Variants in TCF12 observed in about 807,000 individuals in gnomAD.
TCF12 encodes DNA-binding protein HTF4.
Under a neutral mutation model 86.0 loss-of-function variants are expected in TCF12, and 45 were observed. That is an observed-to-expected ratio of 0.52 (90% confidence interval 0.41 to 0.67). TCF12 has a LOEUF of 0.67. Ranked by LOEUF, TCF12 falls within the 30% of genes least tolerant of loss-of-function variation. TCF12 has a pLI of 0.00. For missense variants in TCF12, 881 were observed against 859.9 expected, an observed-to-expected ratio of 1.02 and a Z score of -0.31; for synonymous variants, 330 against 299.6, an observed-to-expected ratio of 1.10 and a Z score of -1.05.
chr15:57,214,691 T>A (rs2058261222), intron 8 of TCF12, among the ~76,000 whole-genome samples: 1 of 152,228 alleles, frequency 6.6e-6, no homozygotes, highest in Non-Finnish European at 1.5e-5. Flanking sequence ...TGTGTTGATA[T>A]CCAAATAAGT....
intron 3 of TCF12, among the ~76,000 whole-genome samples, chr15:57,022,574 A>G (rs1243235277): frequency 1.3e-5 from 2 of 152,186 alleles, no homozygotes; most frequent in Admixed American, 6.5e-5. Context: ...TCCTTTGGGT[A>G]TATACCCAGT....
intron 5 of TCF12, among the ~76,000 whole-genome samples, chr15:57,110,249 A>G (rs1449191373): frequency 2.6e-5 from 4 of 152,188 alleles, no homozygotes; most frequent in Non-Finnish European, 2.9e-5. Context: ...GCTAAAAATA[A>G]TATTTGTTCA....
chr15:57,021,251 G>A (rs1011986830), intron 3 of TCF12, among the ~76,000 whole-genome samples: 2 of 152,322 alleles, frequency 1.3e-5, no homozygotes, highest in South Asian at 2.1e-4. Context: ...GGGGCAGAAC[G>A]TTGATCGTGT....
chr15:57,095,360 T>G (rs983532248), intron 5 of TCF12, among the ~76,000 whole-genome samples: 2 of 152,196 alleles, frequency 1.3e-5, no homozygotes, highest in African/African-American at 2.4e-5. Flanking sequence ...TTGTTTTCCT[T>G]TACCTTTTGA....
intron 5 of TCF12, among the ~76,000 whole-genome samples, chr15:57,150,599 A>G (rs2053666225): frequency 6.6e-6 from 1 of 152,158 alleles, no homozygotes; most frequent in Admixed American, 6.5e-5. Context: ...AAGGTCTGGC[A>G]TTGACTTAAA....
intron 18 of TCF12, among the ~76,000 whole-genome samples, chr15:57,268,015 T>C (rs1036680900): frequency 2.0e-5 from 3 of 152,194 alleles, no homozygotes; most frequent in Admixed American, 6.5e-5. Flanking sequence ...GGTAGTGTTA[T>C]GGTGGTAATT....
At chr15:57,036,423 T>C (rs1308283927) in intron 3 of TCF12, among the ~76,000 whole-genome samples, 12 of 152,190 alleles carry the variant, frequency 7.9e-5, no homozygotes, top group Admixed American at 4.6e-4. Context: ...TTTGAGAAAC[T>C]GCCAGACTGT....
chr15:57,130,600 T>A (rs115025148), intron 5 of TCF12, among the ~76,000 whole-genome samples: 21 of 152,332 alleles, frequency 1.4e-4, no homozygotes, highest in African/African-American at 4.8e-4. Context: ...GCCGTCAATT[T>A]TCTTGTGAAG....
At chr15:57,185,696 A>T (rs2056627126) in intron 6 of TCF12, among the ~76,000 whole-genome samples, 1 of 152,122 alleles carries the variant, frequency 6.6e-6, no homozygotes, top group Non-Finnish European at 1.5e-5. Context: ...CAACTGGGGC[A>T]ACATAGTGAG....
chr15:57,243,391 A>G, intron 12 of TCF12, 81 bp from the exon 13 acceptor site: 1 of 1,279,464 alleles, frequency 7.8e-7, no homozygotes, highest in Non-Finnish European at 1.1e-6. Flanking sequence ...ACTAGATTAT[A>G]AAAATAACTC....
intron 4 of TCF12, among the ~76,000 whole-genome samples, chr15:57,086,790 A>C (rs1199555155): frequency 3.3e-5 from 5 of 151,894 alleles, no homozygotes; most frequent in African/African-American, 1.2e-4. Flanking sequence ...CTTTTTTTTA[A>C]ACTGATTTTC....
intron 3 of TCF12, among the ~76,000 whole-genome samples, chr15:56,961,183 G>T (rs922438753): frequency 1.3e-5 from 2 of 151,714 alleles, no homozygotes; most frequent in Admixed American, 6.6e-5. Flanking sequence ...ATGCTAGCTA[G>T]ACACTGTGCT....
intron 3 of TCF12, among the ~76,000 whole-genome samples, chr15:57,016,533 T>C (rs948957234): frequency 2.6e-5 from 4 of 152,160 alleles, no homozygotes; most frequent in African/African-American, 9.7e-5. Context: ...TAGCCTTAAT[T>C]ACATAATTCA....
intron 18 of TCF12, among the ~76,000 whole-genome samples, chr15:57,269,784 G>C (rs1381562902): frequency 6.6e-6 from 1 of 152,102 alleles, no homozygotes; most frequent in Non-Finnish European, 1.5e-5. Context: ...TTGCTTGTCT[G>C]TAAAGGATTT....
chr15:57,224,706 GA>G (rs1460708367), intron 8 of TCF12, among the ~76,000 whole-genome samples: 1 of 152,058 alleles, frequency 6.6e-6, no homozygotes, highest in African/African-American at 2.4e-5. Flanking sequence ...TTTTACTTAG[GA>G]AACTGCTGAA....
chr15:57,054,570 A>G (rs1862855050), intron 3 of TCF12, among the ~76,000 whole-genome samples: 1 of 152,178 alleles, frequency 6.6e-6, no homozygotes. Flanking sequence ...TCGCACTGAA[A>G]AGAGGAGTAT....
chr15:56,961,490 C>A (rs867187821), intron 3 of TCF12, among the ~76,000 whole-genome samples: 6 of 152,188 alleles, frequency 3.9e-5, no homozygotes, highest in African/African-American at 1.4e-4. Context: ...ACGATATAGT[C>A]CAGTATCTAG....
At chr15:57,084,333 A>G (rs2048493009) in intron 4 of TCF12, among the ~76,000 whole-genome samples, 2 of 152,188 alleles carry the variant, frequency 1.3e-5, no homozygotes, top group South Asian at 4.1e-4. Flanking sequence ...TATGAACACG[A>G]CAGTGGAATT....
chr15:57,043,062 A>G (rs1044246776), intron 3 of TCF12, among the ~76,000 whole-genome samples: 1 of 152,180 alleles, frequency 6.6e-6, no homozygotes, highest in Non-Finnish European at 1.5e-5. Context: ...CATTCATGTT[A>G]TCACAAGTGA....
Sources: gnomAD v4.1 joint callset for allele counts (sites outside exome capture counted in the v4.1 genomes callset) on GRCh38, gnomAD v4.1.1 for gene constraint, MANE v1.5 for transcripts, NCBI Gene and HGNC (gene_info 2026-07-23, HGNC 2026-07-21) for gene names.